The following KCNQ4 variants were observed in gnomAD, a reference collection of about 807,000 sequenced individuals.
The protein encoded by KCNQ4 is potassium voltage-gated channel subfamily KQT member 4.
Under a neutral mutation model 72.6 loss-of-function variants are expected in KCNQ4, and 31 were observed. That is an observed-to-expected ratio of 0.43 (90% confidence interval 0.32 to 0.58). The LOEUF is 0.58. Among genes scored for constraint, KCNQ4 ranks in the 20% least tolerant of loss-of-function variants. The pLI is 0.08. For missense variants in KCNQ4, 869 were observed against 962.6 expected, an observed-to-expected ratio of 0.90 and a Z score of 1.29; for synonymous variants, 405 against 403.7, an observed-to-expected ratio of 1.00 and a Z score of -0.04.
rs1167565070 is a variant in KCNQ4 at position 40,784,926 on chromosome 1, G to A, written c.314+519G>A. On this transcript the variant is annotated intron_variant, in intron 1 of 13. Coordinates refer to ENST00000347132, the MANE Select transcript of KCNQ4 (RefSeq NM_004700.4). The surrounding 1 kb of genome is among the most constrained non-coding windows in gnomAD (Gnocchi z 4.1). The stretch of plus-strand genomic sequence containing the variant: ...CCTACCCCTGCCCAGCTGACTGTGG[G>A]TGTGTGGGGGTCCCTGTGGGCCCCC... Among the ~76,000 whole-genome samples the A allele has an allele frequency of 6.6e-6, 1 of 152,202 alleles. No homozygotes were observed. Among genetic ancestry groups the A allele is most frequent in the Non-Finnish European group, 1.5e-5 (1 of 68,034 alleles).
intron 9 of KCNQ4, chr1:40,826,523 G>A: frequency 2.6e-6 from 1 of 391,696 alleles, no homozygotes; most frequent in Non-Finnish European, 5.4e-6. Flanking sequence ...TTTAGGTGGG[G>A]GTCCTTCTTT....
chr1:40,784,277 G>A lies in KCNQ4; in HGVS notation c.184G>A (p.Gly62Ser), dbSNP rs1459048560. ...LPPGAPLPGP[G>S]SGSGSACGQR... is the part of the protein sequence containing the mutation. ...GCCGGGCGCGCCCCTCCCTGGGCCG[G>A]GCTCCGGCTCGGGCTCCGCCTGCGG... The change falls in exon 1 of 14, where the codon GGC becomes AGC. Residue 62 changes from glycine to serine, a missense_variant. Transcript: ENST00000347132. This position sits in a 1 kb window ranked among gnomAD's most constrained non-coding sequence, Gnocchi z 4.1. 6.5e-7 allele frequency: 1 copy of A among 1,538,254 alleles called. No individual in the cohort carries two copies. Among genetic ancestry groups the A allele is most frequent in the South Asian group, 1.2e-5 (1 of 84,410 alleles).
At chr1:40,835,677 C>T (rs998986707) in intron 12 of KCNQ4, among the ~76,000 whole-genome samples, 1 of 152,240 alleles carries the variant, frequency 6.6e-6, no homozygotes, top group Non-Finnish European at 1.5e-5. Flanking sequence ...AGAGTTCCCA[C>T]ACTTATGGAG....
intron 1 of KCNQ4, among the ~76,000 whole-genome samples, chr1:40,799,957 G>A (rs1201416108): frequency 6.6e-6 from 1 of 152,190 alleles, no homozygotes; most frequent in Non-Finnish European, 1.5e-5. Flanking sequence ...GGAGTCACGG[G>A]TTGGGGCCCA....
chr1:40,828,393 A>G (rs1648545231), intron 9 of KCNQ4, among the ~76,000 whole-genome samples: 2 of 152,206 alleles, frequency 1.3e-5, no homozygotes, highest in African/African-American at 4.8e-5. Flanking sequence ...GATGTGGAAC[A>G]GCACCCTTGG....
chr1:40,790,464 G>C (rs757240520), intron 1 of KCNQ4, among the ~76,000 whole-genome samples: 1 of 152,182 alleles, frequency 6.6e-6, no homozygotes, highest in African/African-American at 2.4e-5. Context: ...GTCCTGGGGC[G>C]AGTGGTTCTC....
At chr1:40,808,612 TC>T in intron 1 of KCNQ4, among the ~76,000 whole-genome samples, 1 of 152,080 alleles carries the variant, frequency 6.6e-6, no homozygotes, top group African/African-American at 2.4e-5. Context: ...GTCGGCCTCC[TC>T]CCTTCCCACA....
At chr1:40,831,814 T>C (rs1648658829) in intron 10 of KCNQ4, among the ~76,000 whole-genome samples, 2 of 152,246 alleles carry the variant, frequency 1.3e-5, no homozygotes, top group Admixed American at 1.3e-4. Context: ...GCCCTGACTA[T>C]GCACTGCCCA....
In KCNQ4 at chr1:40,831,989, C is replaced by G. The variant is rs1043723378; in HGVS notation, c.1513+685C>G. Among the ~76,000 whole-genome samples, 61 of 152,216 alleles carry G rather than the reference C, an allele frequency of 4.0e-4. 1 individual carries two copies. Among genetic ancestry groups the G allele is most frequent in the African/African-American group, 1.4e-3 (59 of 41,448 alleles). The stretch of plus-strand genomic sequence containing the variant: ...TCCAAAGCCCAGGCCTTCTTCCTAC[C>G]CCTCTTCACCCAGCCCAGGCTGCAA... On this transcript the variant is annotated intron_variant, in intron 10 of 13. Transcript: ENST00000347132.
chr1:40,803,523 C>T lies in KCNQ4; in HGVS notation c.315-13742C>T, dbSNP rs1476698581. On this transcript the variant is annotated intron_variant, in intron 1 of 13. Coordinates refer to ENST00000347132, the MANE Select transcript of KCNQ4 (RefSeq NM_004700.4). ...TCAGCTGGGCCTGCAGGCTGGGCAG[C>T]CTTTCTCTTTACAGGCGGAGGAAAC... Among the ~76,000 whole-genome samples, 7 of 152,304 alleles carry T rather than the reference C, an allele frequency of 4.6e-5. No homozygotes were observed. In the East Asian group the frequency reaches 1.4e-3, roughly 29 times the overall value.
chr1:40,802,456 C>G (rs1010469581), intron 1 of KCNQ4, among the ~76,000 whole-genome samples: 11 of 152,104 alleles, frequency 7.2e-5, no homozygotes, highest in African/African-American at 2.7e-4. Flanking sequence ...CCCGGCCCCT[C>G]CCGCTCTCGG....
At chr1:40,824,521 T>C (rs1351998447) in intron 9 of KCNQ4, among the ~76,000 whole-genome samples, 2 of 152,184 alleles carry the variant, frequency 1.3e-5, no homozygotes, top group African/African-American at 2.4e-5. Flanking sequence ...CATCATCTCC[T>C]CCGTTCATGG....
At chr1:40,837,830 C>T in intron 13 of KCNQ4, 36 bp downstream of exon 13, 2 of 1,589,130 alleles carry the variant, frequency 1.3e-6, no homozygotes, top group Non-Finnish European at 1.7e-6. Context: ...CTGGCCATAC[C>T]AAGAAGCTCT....
intron 9 of KCNQ4, among the ~76,000 whole-genome samples, chr1:40,824,818 G>C (rs982045207): frequency 1.3e-5 from 2 of 152,182 alleles, no homozygotes; most frequent in Non-Finnish European, 2.9e-5. Context: ...CTCAGCCAGT[G>C]ACTAATGTTC....
In KCNQ4 at chr1:40,818,545, G is replaced by C; in HGVS notation, c.573G>C (p.Ala191=). 6.2e-7 allele frequency: 1 copy of C among 1,603,054 alleles called. No individual in the cohort carries two copies. Among genetic ancestry groups the C allele is most frequent in the South Asian group, 1.1e-5 (1 of 91,068 alleles). ...VFVASVAVIA[A]GTQGNIFATS... ...TGGCCTCGGTGGCCGTCATCGCCGC[G>C]GGTACCCAGGGCAACATCTTCGCCA... is the stretch of plus-strand genomic sequence containing the variant. The change falls in exon 4 of 14, where the codon GCG becomes GCC. Residue 191 remains alanine, a synonymous_variant. Transcript: ENST00000347132.
intron 1 of KCNQ4, among the ~76,000 whole-genome samples, chr1:40,792,551 C>T (rs1017460897): frequency 3.9e-5 from 6 of 152,196 alleles, no homozygotes; most frequent in African/African-American, 1.4e-4. Flanking sequence ...GGGCCTTTTC[C>T]ACCTTCCCTC....
intron 1 of KCNQ4, among the ~76,000 whole-genome samples, chr1:40,814,577 G>T (rs6657952): frequency 0.14 from 21,291 of 151,904 alleles, 1,599 homozygotes; most frequent in East Asian, 0.29. Context: ...GGTGTCATGT[G>T]CCTGTGGTCT....
Position 40,802,560 on chromosome 1 carries a change from C to T in KCNQ4, c.315-14705C>T, listed in dbSNP as rs919850080. Among the ~76,000 whole-genome samples, 12 of 151,824 alleles carry T rather than the reference C, an allele frequency of 7.9e-5. No homozygotes were observed. In the East Asian group the frequency reaches 1.2e-3, roughly 15 times the overall value. ...GGCATGCCCCGCCCATTTCCGTAAG[C>T]CCCGCCCTCGCCGAGGCGGGCTGGG... On this transcript the variant is annotated intron_variant, in intron 1 of 13. Coordinates refer to ENST00000347132, the MANE Select transcript of KCNQ4 (RefSeq NM_004700.4).
chr1:40,784,236 T>A lies in KCNQ4; in HGVS notation c.143T>A (p.Leu48Gln), dbSNP rs1213935398. The part of the protein sequence containing the change: ...GGGSPRRLGL[L>Q]GSPLPPGAPL... ...GGCTCCCCGCGCCGCCTCGGCCTCC[T>A]GGGCAGCCCCCTGCCGCCGGGCGCG... The change falls in exon 1 of 14, where the codon CTG becomes CAG. Residue 48 changes from leucine (L) to glutamine (Q), a missense_variant. Leu to Gln is a moderately radical substitution (Grantham distance 113). Around this residue, in one of 5 missense-constraint regions of KCNQ4, gnomAD observed 178 missense variants for 145.3 expected, o/e 1.22. Coordinates refer to ENST00000347132, the MANE Select transcript of KCNQ4 (RefSeq NM_004700.4). The surrounding 1 kb of genome is among the most constrained non-coding windows in gnomAD (Gnocchi z 4.1). 5.4e-5 allele frequency: 70 copies of A among 1,304,006 alleles called. No homozygotes were observed. The highest frequency in any genetic ancestry group is 6.7e-5 in the Non-Finnish European group (69 of 1,032,644). 80.8% of individuals were successfully genotyped at this position (1,304,006 alleles called of 1,614,324 possible).
Sources: gnomAD v4.1 joint callset for allele counts (sites outside exome capture counted in the v4.1 genomes callset) on GRCh38, gnomAD v4.1.1 for gene constraint, gnomAD v4.1.1 regional missense constraint, Gnocchi (gnomAD v3.1) non-coding constraint, MANE v1.5 for transcripts, NCBI Gene and HGNC (gene_info 2026-07-23, HGNC 2026-07-21) for gene names.